IPO7: variants seen among roughly 807,000 people sequenced by gnomAD.
IPO7 encodes the protein importin-7.
Under a neutral mutation model 136.4 loss-of-function variants are expected in IPO7, and 13 were observed. That is an observed-to-expected ratio of 0.10 (90% CI 0.06 to 0.15). The LOEUF is 0.15. Among genes scored for constraint, IPO7 ranks in the 10% least tolerant of loss-of-function variants. The pLI, the probability that IPO7 is intolerant of heterozygous loss-of-function variation, is 1.00. For synonymous variants in IPO7, 403 were observed against 404.4 expected, an observed-to-expected ratio of 1.00 and a Z score of 0.04; for missense variants, 857 against 1,240.6, an observed-to-expected ratio of 0.69 and a Z score of 4.65.
chr11:9,396,787 G>T (rs997054777), intron 1 of IPO7, among the ~76,000 whole-genome samples: 8 of 152,106 alleles, frequency 5.3e-5, no homozygotes, highest in Admixed American at 5.2e-4. Context: ...GCATTCTATT[G>T]TATGTATCGA....
In IPO7 at chr11:9,446,050, T is replaced by A. The variant is rs1855522524; in HGVS notation, c.*856T>A. On this transcript the variant is annotated 3_prime_UTR_variant, in exon 25 of 25. Coordinates refer to ENST00000379719, the MANE Select transcript of IPO7 (RefSeq NM_006391.3). ...GACAACTCCCTCTGTGTCCTGTTTT[T>A]CTTAAAGCTGTCAGTGTACAAGTGG... is the stretch of plus-strand genomic sequence containing the variant. 1 of 152,204 alleles carries A rather than the reference T, an allele frequency of 6.6e-6. No individual in the cohort carries two copies. The highest frequency in any genetic ancestry group is 1.5e-5 in the Non-Finnish European group (1 of 68,040). 9.4% of individuals were successfully genotyped at this position (152,204 alleles called of 1,614,324 possible).
chr11:9,394,336 GTTTTTC>G (rs1016806177), intron 1 of IPO7, among the ~76,000 whole-genome samples: 18 of 152,052 alleles, frequency 1.2e-4, no homozygotes, highest in African/African-American at 4.3e-4. Flanking sequence ...GAGAGTGTGC[GTTTTTC>G]TTTTTCTATT....
chr11:9,431,464 G>GT (rs1855292888), intron 16 of IPO7, among the ~76,000 whole-genome samples: 1 of 120,230 alleles, frequency 8.3e-6, no homozygotes, highest in Non-Finnish European at 2.0e-5. Flanking sequence ...TGTAATAATG[G>GT]ATTTTTTTTT....
intron 24 of IPO7, among the ~76,000 whole-genome samples, chr11:9,444,398 C>G (rs968809911): frequency 1.3e-5 from 2 of 151,366 alleles, no homozygotes; most frequent in African/African-American, 4.8e-5. Flanking sequence ...TTGAGTGACA[C>G]TGTCACCCAG....
At chr11:9,409,842 G>C in intron 3 of IPO7, 86 bp from the exon 4 acceptor site, 1 of 973,818 alleles carries the variant, frequency 1.0e-6, no homozygotes, top group Non-Finnish European at 1.4e-6. Flanking sequence ...ATTAGATTTT[G>C]TCTAAACAGC....
At chr11:9,407,529 T>C (rs1854904762) in intron 2 of IPO7, among the ~76,000 whole-genome samples, 1 of 152,154 alleles carries the variant, frequency 6.6e-6, no homozygotes, top group South Asian at 2.1e-4. Context: ...CACTCCAGCC[T>C]GGTGACAGAG....
intron 1 of IPO7, among the ~76,000 whole-genome samples, chr11:9,388,369 G>A (rs376119819): frequency 1.1e-4 from 17 of 151,796 alleles, no homozygotes; most frequent in Admixed American, 2.0e-4. Flanking sequence ...CAGAGATGGG[G>A]TTTTACCATG....
At chr11:9,420,385 A>G (rs772680116) in intron 6 of IPO7, 26 bp from the exon 7 acceptor site, 4 of 1,402,074 alleles carry the variant, frequency 2.9e-6, no homozygotes, top group East Asian at 2.3e-5. Context: ...TATTATCTCT[A>G]TCATTAAATA....
At chr11:9,435,776 A>G (rs1855360794) in intron 19 of IPO7, among the ~76,000 whole-genome samples, 1 of 152,176 alleles carries the variant, frequency 6.6e-6, no homozygotes, top group Non-Finnish European at 1.5e-5. Context: ...TCTGGAGTTT[A>G]TAGGGCAACA....
At chr11:9,440,101 C>T (rs918351809) in intron 22 of IPO7, among the ~76,000 whole-genome samples, 1 of 152,088 alleles carries the variant, frequency 6.6e-6, no homozygotes, top group African/African-American at 2.4e-5. Flanking sequence ...ATAAGGGTTT[C>T]AACATAAGAT....
chr11:9,427,533 T>C (rs929801078), intron 12 of IPO7, among the ~76,000 whole-genome samples: 2 of 152,250 alleles, frequency 1.3e-5, no homozygotes, highest in Non-Finnish European at 2.9e-5. Context: ...ATGCTGGGAT[T>C]ACAGGCGTGA....
intron 24 of IPO7, among the ~76,000 whole-genome samples, chr11:9,444,284 A>AAACAT (rs1023222412): frequency 1.1e-5 from 1 of 92,888 alleles, no homozygotes; most frequent in African/African-American, 4.3e-5. Flanking sequence ...TCTCTAAAAA[A>AAACAT]AAAAATAAAC....
At chr11:9,404,354 A>G (rs144731200) in intron 2 of IPO7, among the ~76,000 whole-genome samples, 1 of 151,026 alleles carries the variant, frequency 6.6e-6, no homozygotes, top group African/African-American at 2.4e-5. Context: ...AGTCCCAGCT[A>G]CTCGGGAGGC....
intron 18 of IPO7, 119 bp from the exon 19 acceptor site, chr11:9,434,815 G>C: frequency 1.4e-6 from 1 of 712,176 alleles, no homozygotes; most frequent in East Asian, 2.7e-5. Flanking sequence ...CCCAAAAAAA[G>C]GTGAATGTTA....
intron 1 of IPO7, among the ~76,000 whole-genome samples, chr11:9,388,880 C>G (rs568231570): frequency 1.3e-5 from 2 of 152,204 alleles, no homozygotes; most frequent in African/African-American, 4.8e-5. Context: ...TTTTACTTAA[C>G]TTTTCTTCTC....
Position 9,425,127 on chromosome 11 carries a change from C to G in IPO7, c.1219-19C>G. 6.7e-7 allele frequency: 1 copy of G among 1,497,248 alleles called. No homozygotes were observed. Among genetic ancestry groups the G allele is most frequent in the South Asian group, 1.1e-5 (1 of 88,636 alleles). 92.7% of individuals were successfully genotyped at this position (1,497,248 alleles called of 1,614,324 possible). On this transcript the variant is annotated intron_variant, in intron 11 of 24. Coordinates refer to ENST00000379719, the MANE Select transcript of IPO7 (RefSeq NM_006391.3). ...ACTGTTGGCCTATTCAGTAACAATA[C>G]TTTTCTCTTTTAATCTAGGTACTGC...
chr11:9,413,169 C>T (rs1296878442), intron 4 of IPO7, among the ~76,000 whole-genome samples: 1 of 152,042 alleles, frequency 6.6e-6, no homozygotes, highest in African/African-American at 2.4e-5. Context: ...TGAGCCACCG[C>T]GCCCGGCCCC....
chr11:9,431,074 T>C (rs1309804038), intron 16 of IPO7, 71 bp downstream of exon 16: 1 of 1,205,056 alleles, frequency 8.3e-7, no homozygotes. Flanking sequence ...AATATCTCTC[T>C]GGCATCTCAT....
chr11:9,428,592 C>G lies in IPO7; in HGVS notation c.1388C>G (p.Pro463Arg). The G allele has an allele frequency of 6.3e-7, 1 of 1,580,406 alleles. No homozygotes were observed. Among genetic ancestry groups the G allele is most frequent in the Non-Finnish European group, 8.7e-7 (1 of 1,153,006 alleles). Residue 463 changes from proline (P) to arginine (R), a missense_variant, in exon 13 of 25, where the codon CCT (proline) becomes CGT (arginine). Pro to Arg is a moderately radical substitution (Grantham distance 103). Transcript: ENST00000379719. Reference protein sequence around the residue: ...MEYMLQNHVFPLFSSELGYMR... With the variant: ...MEYMLQNHVFRLFSSELGYMR... ...TACATGTTGCAGAATCATGTATTCC[C>G]TCTCTTCAGCAGTGAACTAGGCTAC...
Sources: allele counts gnomAD v4.1 joint callset (sites outside exome capture counted in the v4.1 genomes callset), GRCh38; gene constraint gnomAD v4.1.1; transcripts MANE v1.5; gene names NCBI Gene and HGNC (gene_info 2026-07-23, HGNC 2026-07-21).